The following RASA2 variants were observed in gnomAD, a reference collection of about 807,000 sequenced individuals.
RASA2 encodes the protein ras GTPase-activating protein 2.
A neutral mutation model predicts 118.2 loss-of-function variants in RASA2; 155 were observed. The observed-to-expected ratio is 1.31, with a 90% CI of 1.15 to 1.50. The LOEUF (loss-of-function observed/expected upper bound fraction) is 1.50, where lower values mean the gene tolerates loss of function less well. Ranked by LOEUF, RASA2 falls within the 40% of genes most tolerant of loss-of-function variation. The pLI is 0.00. For synonymous variants in RASA2, 353 were observed against 349.1 expected (o/e 1.01, Z -0.12); for missense variants, 1,016 against 1,009.6 (o/e 1.01, Z -0.09).
intron 19 of RASA2, 131 bp from the exon 20 acceptor site, chr3:141,607,547 G>A: frequency 2.2e-6 from 2 of 921,040 alleles, no homozygotes; most frequent in Non-Finnish European, 2.9e-6. Flanking sequence ...TATGCCATTT[G>A]TAAGTCTTCT....
intron 8 of RASA2, among the ~76,000 whole-genome samples, chr3:141,559,297 A>C (rs2082694891): frequency 6.6e-6 from 1 of 152,086 alleles, no homozygotes; most frequent in Admixed American, 6.6e-5. Flanking sequence ...CCAATTTAGA[A>C]ATTTTTTTTT....
At chr3:141,542,876 AAT>A (rs1248741026) in intron 5 of RASA2, among the ~76,000 whole-genome samples, 28 of 152,122 alleles carry the variant, frequency 1.8e-4, no homozygotes, top group Admixed American at 1.8e-3. Flanking sequence ...GGAATCTTAT[AAT>A]ATGTGACCTT....
Position 141,499,785 on chromosome 3 carries a change from G to A in RASA2, c.134-12378G>A, listed in dbSNP as rs192985486. ...AGCTAATTTTTGTGTTTTTAGTAGA[G>A]GCGGCATTTCGCCATGTTAGCCAGG... On this transcript the variant is annotated intron_variant, in intron 1 of 23. Coordinates refer to ENST00000286364, the MANE Select transcript of RASA2 (RefSeq NM_006506.5). 9.7e-4 allele frequency among the ~76,000 whole-genome samples: 148 copies of A among 152,258 alleles called. 1 individual carries two copies. Among genetic ancestry groups the A allele is most frequent in the African/African-American group, 3.4e-3 (140 of 41,540 alleles).
In RASA2 at chr3:141,540,526, A is replaced by G; in HGVS notation, c.451-7A>G. On this transcript the variant is annotated splice_region_variant and splice_polypyrimidine_tract_variant and intron_variant, in intron 4 of 23. Transcript: ENST00000286364. ...CTACTCAGTTTGTAATCTTTTTGTCATTATAGGGTAAAGTTCACCTTGAAT... is the reference window on the plus strand; with the variant it reads ...CTACTCAGTTTGTAATCTTTTTGTCGTTATAGGGTAAAGTTCACCTTGAAT... 1 of 1,602,894 alleles carries G rather than the reference A, an allele frequency of 6.2e-7. No individual in the cohort carries two copies.
chr3:141,505,963 A>G (rs747518602), intron 1 of RASA2, among the ~76,000 whole-genome samples: 3 of 152,230 alleles, frequency 2.0e-5, no homozygotes, highest in Non-Finnish European at 4.4e-5. Flanking sequence ...TCATGGATGT[A>G]TAGTGGGAAG....
intron 19 of RASA2, among the ~76,000 whole-genome samples, chr3:141,607,073 GTC>G (rs955756242): frequency 4.6e-5 from 7 of 152,084 alleles, no homozygotes; most frequent in African/African-American, 1.7e-4. Flanking sequence ...AATTTCCAAA[GTC>G]TTAGGTTAAG....
chr3:141,507,985 T>C (rs1333587213), intron 1 of RASA2, among the ~76,000 whole-genome samples: 1 of 152,226 alleles, frequency 6.6e-6, no homozygotes, highest in Non-Finnish European at 1.5e-5. Context: ...ACTGCAGGTT[T>C]AGAACCTGGT....
chr3:141,533,041 T>C (rs1347099567), intron 4 of RASA2, among the ~76,000 whole-genome samples: 2 of 152,168 alleles, frequency 1.3e-5, no homozygotes, highest in African/African-American at 4.8e-5. Context: ...TTTGTATGTA[T>C]GATGAGACAT....
intron 4 of RASA2, among the ~76,000 whole-genome samples, chr3:141,540,220 T>A (rs1470882276): frequency 1.3e-5 from 2 of 152,220 alleles, no homozygotes; most frequent in Non-Finnish European, 2.9e-5. Context: ...AATTTGGTTT[T>A]ATCTCAAAAT....
At chr3:141,607,852 T>C in intron 20 of RASA2, 92 bp downstream of exon 20, 2 of 1,288,184 alleles carry the variant, frequency 1.6e-6, no homozygotes, top group South Asian at 2.1e-5. Flanking sequence ...ACCTTGTATT[T>C]GTATCACCTA....
intron 19 of RASA2, among the ~76,000 whole-genome samples, chr3:141,592,962 A>G (rs1577803552): frequency 6.6e-6 from 1 of 152,272 alleles, no homozygotes; most frequent in Admixed American, 6.5e-5. Context: ...ACTAACTCTT[A>G]TAGATAACAA....
chr3:141,487,332 G>T (rs1344143436), intron 1 of RASA2, 116 bp downstream of exon 1: 7 of 1,158,354 alleles, frequency 6.0e-6, no homozygotes, highest in Non-Finnish European at 7.5e-6. Context: ...GGCCCGGGAG[G>T]GGGCCTGGGC....
intron 19 of RASA2, among the ~76,000 whole-genome samples, chr3:141,591,689 T>C (rs1031400951): frequency 6.6e-6 from 1 of 152,220 alleles, no homozygotes; most frequent in African/African-American, 2.4e-5. Context: ...GGAGACCTGT[T>C]ATACACATAT....
At chr3:141,490,448 G>A (rs972116347) in intron 1 of RASA2, among the ~76,000 whole-genome samples, 1 of 151,242 alleles carries the variant, frequency 6.6e-6, no homozygotes, top group Non-Finnish European at 1.5e-5. Flanking sequence ...TTTTTGATTA[G>A]CACTTGTTAA....
rs2083267239 is a variant in RASA2 at position 141,590,198 on chromosome 3, A to G, written c.1933+3446A>G. The G allele has an allele frequency of 1.1e-5, 5 of 455,322 alleles. No homozygotes were observed. The Admixed American group carries it at 1.2e-4, about 11-fold the overall frequency. The allele number at this position is 455,322 out of a possible 1,614,324, so 28.2% of individuals were successfully genotyped here. A position where few individuals can be genotyped will look rare whatever the true frequency, so the allele number is the denominator to read the frequency against. ...TACCATTGATAATATTAATTGTTAT[A>G]TGGATTCTGATTTAGTGATATTTTC... On this transcript the variant is annotated intron_variant, in intron 19 of 23. Transcript: ENST00000286364.
intron 4 of RASA2, among the ~76,000 whole-genome samples, chr3:141,539,301 A>G (rs992933886): frequency 3.9e-5 from 6 of 152,198 alleles, no homozygotes; most frequent in Admixed American, 6.5e-5. Context: ...TTCCAGCTCC[A>G]CGTAACTGCT....
chr3:141,555,862 G>A lies in RASA2; in HGVS notation c.634G>A (p.Val212Ile). The A allele has an allele frequency of 1.2e-6, 2 of 1,612,522 alleles. No homozygotes were observed. Among genetic ancestry groups the A allele is most frequent in the Non-Finnish European group, 1.7e-6 (2 of 1,179,264 alleles). Residue 212 changes from valine (V) to isoleucine (I), a missense_variant, in exon 7 of 24, where the codon GTA (valine) becomes ATA (isoleucine). Physicochemically the swap from Val to Ile is conservative, Grantham distance 29. Transcript: ENST00000286364. The stretch of plus-strand genomic sequence containing the variant: ...CAGGAATGACCAAAAGAAGACAAAA[G>A]TAAAGAAGAAAACAAGCAATCCGCA... ...PSRNDQKKTK[V>I]KKKTSNPQFN...
At chr3:141,576,810 T>G (rs1577771622) in intron 14 of RASA2, among the ~76,000 whole-genome samples, 190 bp from the exon 15 acceptor site, 2 of 152,184 alleles carry the variant, frequency 1.3e-5, no homozygotes, top group East Asian at 1.9e-4. Context: ...TTATTTCTTT[T>G]GGATTTTTTT....
intron 2 of RASA2, among the ~76,000 whole-genome samples, chr3:141,513,073 A>C (rs28431931): frequency 1.9e-4 from 28 of 151,056 alleles, no homozygotes; most frequent in East Asian, 1.2e-3. Flanking sequence ...CAGAAAAAAA[A>C]AAAAAAACAA....
Sources: gnomAD v4.1 joint callset for allele counts (sites outside exome capture counted in the v4.1 genomes callset) on GRCh38, gnomAD v4.1.1 for gene constraint, MANE v1.5 for transcripts, NCBI Gene and HGNC (gene_info 2026-07-23, HGNC 2026-07-21) for gene names.